POT1: variants seen among roughly 807,000 people sequenced by gnomAD.
POT1 encodes the protein protection of telomeres protein 1.
In POT1, 47 loss-of-function variants were observed where a neutral mutation model predicts 78.5. That is an observed-to-expected ratio of 0.60 (90% CI 0.47 to 0.76). The LOEUF (loss-of-function observed/expected upper bound fraction) is 0.76. POT1 is among the 30% of genes least tolerant of loss of function. The probability of loss-of-function intolerance (pLI) is 0.00; values close to 1 mark genes in which losing one functional copy is unlikely to be tolerated. For missense variants in POT1, 646 were observed against 749.9 expected (o/e 0.86, Z 1.62); for synonymous variants, 259 against 260.7 (o/e 0.99, Z 0.06).
chr7:124,895,685 T>C (rs1796475791), intron 5 of POT1, among the ~76,000 whole-genome samples: 1 of 151,674 alleles, frequency 6.6e-6, no homozygotes, highest in Admixed American at 6.6e-5. Flanking sequence ...TAGAATTGTC[T>C]TAGAAGGTCT....
chr7:124,850,905 GA>G (rs34336240), intron 11 of POT1, among the ~76,000 whole-genome samples: 45,820 of 140,460 alleles, frequency 0.33, 7,098 homozygotes, highest in South Asian at 0.4. Context: ...GAGTTAGGTA[GA>G]AAAAAAAAAA....
At position 124,922,467 on chromosome 7, in the gene POT1, G is replaced by A. The variant is rs28542713; in HGVS notation, c.-227+6348C>T. Among the ~76,000 whole-genome samples the A allele has an allele frequency of 1.9e-3, 289 of 152,088 alleles. 3 individuals carry two copies. Among genetic ancestry groups the A allele is most frequent in the African/African-American group, 6.4e-3 (266 of 41,540 alleles). The stretch of plus-strand genomic sequence containing the variant: ...AAAGATCATAACAGTTCAATGAACA[G>A]GGGAGTGAGTAAATGGAATTTCACT... On this transcript the variant is annotated intron_variant, in intron 2 of 18. Transcript: ENST00000357628.
chr7:124,858,765 G>T, intron 9 of POT1, 192 bp downstream of exon 9: 2 of 386,964 alleles, frequency 5.2e-6, no homozygotes, highest in Non-Finnish European at 9.0e-6. Context: ...TTTAAAAATT[G>T]CTCTAACCCA....
intron 2 of POT1, among the ~76,000 whole-genome samples, chr7:124,920,560 T>G (rs1194185362): frequency 6.6e-6 from 1 of 152,176 alleles, no homozygotes; most frequent in Admixed American, 6.6e-5. Flanking sequence ...AAAATCCATT[T>G]AATAAAATTC....
intron 16 of POT1, among the ~76,000 whole-genome samples, chr7:124,828,220 A>T (rs550215428): frequency 6.6e-6 from 1 of 152,268 alleles, no homozygotes; most frequent in East Asian, 1.9e-4. Flanking sequence ...TTCTATTATA[A>T]GCTAGGGGAA....
chr7:124,844,877 A>T (rs560001108), intron 12 of POT1, among the ~76,000 whole-genome samples: 9 of 152,186 alleles, frequency 5.9e-5, no homozygotes, highest in Non-Finnish European at 1.3e-4. Context: ...TTCAAACTTA[A>T]GGAAAATTGC....
Position 124,846,828 on chromosome 7 carries a change from C to T in POT1, c.1006+114G>A, listed in dbSNP as rs1415833073. 5.9e-6 allele frequency: 4 copies of T among 682,182 alleles called. No homozygotes were observed. The East Asian group carries it at 1.1e-4, about 19-fold the overall frequency. The allele number at this position is 682,182 out of a possible 1,614,324, so 42.3% of individuals were successfully genotyped here. ...AAAGTTAAATATGGACATATTTTAG[C>T]TTTAAAGGATATGTGTTCTACTATT... On this transcript the variant is annotated intron_variant, in intron 12 of 18. Coordinates refer to ENST00000357628, the MANE Select transcript of POT1 (RefSeq NM_015450.3).
At chr7:124,837,624 C>T (rs1794929717) in intron 14 of POT1, among the ~76,000 whole-genome samples, 1 of 151,938 alleles carries the variant, frequency 6.6e-6, no homozygotes, top group African/African-American at 2.4e-5. Context: ...GTTTCAATAG[C>T]TAAGTCTACC....
intron 6 of POT1, among the ~76,000 whole-genome samples, chr7:124,885,022 T>C (rs762863274): frequency 6.6e-6 from 1 of 152,180 alleles, no homozygotes; most frequent in African/African-American, 2.4e-5. Context: ...TAATACTATC[T>C]AGCCAGCTCC....
At chr7:124,854,620 A>G (rs1000708233) in intron 9 of POT1, among the ~76,000 whole-genome samples, 4 of 151,916 alleles carry the variant, frequency 2.6e-5, no homozygotes, top group Non-Finnish European at 5.9e-5. Context: ...TTCCCAACCA[A>G]TCAAGGGTTT....
intron 5 of POT1, among the ~76,000 whole-genome samples, chr7:124,894,757 C>T (rs978717373): frequency 1.3e-5 from 2 of 151,522 alleles, no homozygotes; most frequent in African/African-American, 4.8e-5. Context: ...TAAAAAAGGA[C>T]TGTAGAGGGA....
intron 6 of POT1, among the ~76,000 whole-genome samples, chr7:124,872,535 C>T (rs1344915169): frequency 1.3e-5 from 2 of 152,188 alleles, no homozygotes; most frequent in Non-Finnish European, 2.9e-5. Context: ...CGAGGTATCG[C>T]AGTGCTTGTG....
intron 7 of POT1, among the ~76,000 whole-genome samples, chr7:124,866,837 G>C (rs565194499): frequency 3.4e-4 from 52 of 152,312 alleles, no homozygotes; most frequent in Non-Finnish European, 6.3e-4. Context: ...GGCTAGTCTA[G>C]TACCAGTTAA....
At chr7:124,880,195 A>G (rs971165951) in intron 6 of POT1, among the ~76,000 whole-genome samples, 3 of 152,146 alleles carry the variant, frequency 2.0e-5, no homozygotes, top group African/African-American at 7.2e-5. Context: ...TGCATAAAAC[A>G]CAACTATTTT....
chr7:124,833,346 A>G (rs1794815687), intron 15 of POT1, among the ~76,000 whole-genome samples: 2 of 152,222 alleles, frequency 1.3e-5, no homozygotes, highest in African/African-American at 4.8e-5. Flanking sequence ...CAACCAGTAT[A>G]TAATTTTTCA....
At chr7:124,863,005 C>A (rs1422964835) in intron 8 of POT1, among the ~76,000 whole-genome samples, 2 of 152,034 alleles carry the variant, frequency 1.3e-5, no homozygotes, top group Non-Finnish European at 2.9e-5. Context: ...GGGAAGGTGA[C>A]CTTGACAGGG....
chr7:124,865,350 C>T (rs1240463420), intron 7 of POT1, among the ~76,000 whole-genome samples: 3 of 152,004 alleles, frequency 2.0e-5, no homozygotes. Context: ...TGGGGAAATT[C>T]TGGTCCTTAT....
At chr7:124,899,675 A>G (rs1432900443) in intron 3 of POT1, among the ~76,000 whole-genome samples, 3 of 152,156 alleles carry the variant, frequency 2.0e-5, no homozygotes, top group Non-Finnish European at 4.4e-5. Flanking sequence ...TGTTTATCAA[A>G]CTAACACCGG....
At position 124,822,861 on chromosome 7, in the gene POT1, T is replaced by C. The variant is rs923061909; in HGVS notation, c.*1101A>G. 3 of 184,918 alleles carry C rather than the reference T, an allele frequency of 1.6e-5. No individual in the cohort carries two copies. The highest frequency in any genetic ancestry group is 1.6e-4 in the Admixed American group (3 of 19,176). The allele number at this position is 184,918 out of a possible 1,614,324, so 11.5% of individuals were successfully genotyped here. ...TGACAATAAGATGTTAAAAGTATTT[T>C]GAAACTATAGAAAAACACACTGACT... is the stretch of plus-strand genomic sequence containing the variant. On this transcript the variant is annotated 3_prime_UTR_variant, in exon 19 of 19. Transcript: ENST00000357628.
Sources: allele counts gnomAD v4.1 joint callset (sites outside exome capture counted in the v4.1 genomes callset), GRCh38; gene constraint gnomAD v4.1.1; transcripts MANE v1.5; gene names NCBI Gene and HGNC (gene_info 2026-07-23, HGNC 2026-07-21).